The following DCHS1 variants were observed in gnomAD, a reference collection of about 807,000 sequenced individuals.
DCHS1 encodes protocadherin-16.
In DCHS1, 78 loss-of-function variants were observed where a neutral mutation model predicts 213.9. That is an observed-to-expected ratio of 0.36 (90% CI 0.30 to 0.44). The LOEUF is 0.44. Ranked by LOEUF, DCHS1 falls within the 20% of genes least tolerant of loss-of-function variation. The probability of loss-of-function intolerance (pLI) is 1.00; values close to 1 mark genes in which losing one functional copy is unlikely to be tolerated. For synonymous variants in DCHS1, 1,828 were observed against 1,873.7 expected, an observed-to-expected ratio of 0.98 and a Z score of 0.63; for missense variants, 3,946 against 4,395.9, an observed-to-expected ratio of 0.90 and a Z score of 2.89.
chr11:6,623,672 C>T lies in DCHS1; in HGVS notation c.8004G>A (p.Glu2668=), dbSNP rs1316029815. ...CTACAAGCTGATGTCGAGCCTGGGT[C>T]TCACAGTCCAGGGCATGGGCCAGTC... ...TLRLAHALDC[E]TQARHQLVVQ... is the part of the protein sequence containing the mutation. Residue 2668 remains glutamate (E), a synonymous_variant, in exon 21 of 21, where the codon GAG becomes GAA. Transcript: ENST00000299441. The T allele has an allele frequency of 1.2e-6, 2 of 1,613,842 alleles. No homozygotes were observed. Among genetic ancestry groups the T allele is most frequent in the Admixed American group, 3.3e-5 (2 of 60,024 alleles).
intron 12 of DCHS1, among the ~76,000 whole-genome samples, 155 bp downstream of exon 12, chr11:6,629,297 A>C (rs564494249): frequency 1.8e-4 from 27 of 152,342 alleles, no homozygotes; most frequent in African/African-American, 6.5e-4. Context: ...GCACCCTGCC[A>C]AACTCTCGAC....
Position 6,628,618 on chromosome 11 carries a change from C to T in DCHS1, c.5371+3G>A, listed in dbSNP as rs1344991936. ...AATTAAGTGGGAGTGGGAAGGTTCT[C>T]ACCTAGGATGCGGTACTGCAACTGC... On this transcript the variant is annotated splice_donor_region_variant and intron_variant, in intron 13 of 20. Transcript: ENST00000299441. This position sits in a 1 kb window ranked among gnomAD's most constrained non-coding sequence, Gnocchi z 4.3. 6.2e-7 allele frequency: 1 copy of T among 1,613,952 alleles called. No homozygotes were observed. Among genetic ancestry groups the T allele is most frequent in the South Asian group, 1.1e-5 (1 of 91,080 alleles).
Position 6,631,214 on chromosome 11 carries a change from G to A in DCHS1, c.3773-4C>T. ...GAGAAAAGCTCTGAGCCAGGACCTG[G>A]GGACAGGCAGAGGAAGATGAGGGCT... On this transcript the variant is annotated splice_region_variant and splice_polypyrimidine_tract_variant and intron_variant, in intron 8 of 20. Coordinates refer to ENST00000299441, the MANE Select transcript of DCHS1 (RefSeq NM_003737.4). 6.2e-7 allele frequency: 1 copy of A among 1,611,940 alleles called. No homozygotes were observed. The highest frequency in any genetic ancestry group is 8.5e-7 in the Non-Finnish European group (1 of 1,178,218).
At chr11:6,647,113 A>G (rs1856170936) in intron 1 of DCHS1, among the ~76,000 whole-genome samples, 1 of 152,174 alleles carries the variant, frequency 6.6e-6, no homozygotes, top group African/African-American at 2.4e-5. Context: ...TAGATGGGCT[A>G]GAAGTGGAGG....
rs1855902022 is a variant in DCHS1 at position 6,631,202 on chromosome 11, A to C, written c.3781T>G (p.Ser1261Ala). Residue 1261 changes from serine (S) to alanine (A), a missense_variant, in exon 9 of 21, where the codon TCA becomes GCA. Coordinates refer to ENST00000299441, the MANE Select transcript of DCHS1 (RefSeq NM_003737.4). ...TGAGGGTGCAGAGAGAAAAGCTCTG[A>C]GCCAGGACCTGGGGACAGGCAGAGG... ...TILYTLTGPG[S>A]ELFSLHPHSG... The C allele has an allele frequency of 6.2e-7, 1 of 1,611,594 alleles. No individual in the cohort carries two copies. The highest frequency in any genetic ancestry group is 1.7e-5 in the Admixed American group (1 of 59,886).
At position 6,632,987 on chromosome 11, in the gene DCHS1, A is replaced by G. The variant is rs759242345; in HGVS notation, c.2525T>C (p.Val842Ala). ...DPRGLFSLDA[V>A]SGLLQTLRPL... ...GCGAAGTGTTTGCAACAGTCCTGAT[A>G]CCGCATCTAGGGAGAAGAGTCCTCG... The change falls in exon 6 of 21, where the codon GTA (valine) becomes GCA (alanine). Residue 842 changes from valine to alanine, a missense_variant. Coordinates refer to ENST00000299441, the MANE Select transcript of DCHS1 (RefSeq NM_003737.4). This position sits in a 1 kb window ranked among gnomAD's most constrained non-coding sequence, Gnocchi z 5.9. 8 of 1,613,932 alleles carry G rather than the reference A, an allele frequency of 5.0e-6. No individual in the cohort carries two copies. The highest frequency in any genetic ancestry group is 6.8e-6 in the Non-Finnish European group (8 of 1,179,828).
chr11:6,632,605 C>T lies in DCHS1; in HGVS notation c.2907G>A (p.Glu969=), dbSNP rs936429361. 1.3e-6 allele frequency: 2 copies of T among 1,524,584 alleles called. No individual in the cohort carries two copies. Among genetic ancestry groups the T allele is most frequent in the African/African-American group, 1.4e-5 (1 of 72,526 alleles). 94.4% of individuals were successfully genotyped at this position (1,524,584 alleles called of 1,614,324 possible). A position where few individuals can be genotyped will look rare whatever the true frequency, so the allele number is the denominator to read the frequency against. ...SGGPAHELEL[E]ARDGGSPPRT... The stretch of plus-strand genomic sequence containing the variant: ...GTGGTGGGGAGCCCCCATCCCGGGC[C>T]TCCAGCTCCAGCTCATGGGCTGGCC... Residue 969 remains glutamate (E), a synonymous_variant, in exon 6 of 21, where the codon GAG becomes GAA. Coordinates refer to ENST00000299441, the MANE Select transcript of DCHS1 (RefSeq NM_003737.4). This position sits in a 1 kb window ranked among gnomAD's most constrained non-coding sequence, Gnocchi z 5.9.
Position 6,641,974 on chromosome 11 carries a change from CG to C in DCHS1, c.-120-242del. 6.6e-6 allele frequency among the ~76,000 whole-genome samples: 1 copy of C among 152,250 alleles called. No homozygotes were observed. Among genetic ancestry groups the C allele is most frequent in the Non-Finnish European group, 1.5e-5 (1 of 68,004 alleles). ...CAGATTTTTATGCATCCTATTTTTT[CG>C]GGTCTGAATGCCCACAAACTCCCTT... On this transcript the variant is annotated intron_variant, in intron 1 of 20. Transcript: ENST00000299441. This position sits in a 1 kb window ranked among gnomAD's most constrained non-coding sequence, Gnocchi z 7.1.
rs927596271 is a variant in DCHS1 at position 6,633,855 on chromosome 11, C to T, written c.2152G>A (p.Gly718Arg). Residue 718 changes from glycine to arginine, a missense_variant, in exon 4 of 21, where the codon GGG becomes AGG. Physicochemically the swap from Gly to Arg is moderately radical, Grantham distance 125. This residue lies in a region of DCHS1 where 3,384 missense variants were observed against 3,780.1 expected (regional missense o/e 0.90). Transcript: ENST00000299441. ...RAHDPDQGSH[G>R]RLSYHILAGN... ...GCCAGGATATGGTAGGAGAGTCGCC[C>T]ATGGGATCCCTGGTCAGGGTCATGG... 5 of 1,613,874 alleles carry T rather than the reference C, an allele frequency of 3.1e-6. No homozygotes were observed. The highest frequency in any genetic ancestry group is 4.2e-6 in the Non-Finnish European group (5 of 1,179,902).
chr11:6,625,739 G>A lies in DCHS1; in HGVS notation c.6732-12C>T, dbSNP rs539200702. 5.0e-6 allele frequency: 8 copies of A among 1,600,400 alleles called. No individual in the cohort carries two copies. The East Asian group carries it at 6.7e-5, about 13-fold the overall frequency. ...CCATCAGCACCAACCTGGACACAAAGCACAATCATCGGGTGGGACATGGCA... is the reference window on the plus strand; with the variant it reads ...CCATCAGCACCAACCTGGACACAAAACACAATCATCGGGTGGGACATGGCA... On this transcript the variant is annotated splice_polypyrimidine_tract_variant and intron_variant, in intron 17 of 20. Coordinates refer to ENST00000299441, the MANE Select transcript of DCHS1 (RefSeq NM_003737.4). The surrounding 1 kb of genome is among the most constrained non-coding windows in gnomAD (Gnocchi z 5.3).
rs1175384981 is a variant in DCHS1 at position 6,632,748 on chromosome 11, C to A, written c.2764G>T (p.Asp922Tyr). The A allele has an allele frequency of 1.2e-6, 2 of 1,611,666 alleles. No homozygotes were observed. Residue 922 changes from aspartate (D) to tyrosine (Y), a missense_variant, in exon 6 of 21, where the codon GAC (aspartate) becomes TAC (tyrosine). Asp to Tyr is a radical substitution (Grantham distance 160). Around this residue, in one of 3 missense-constraint regions of DCHS1, gnomAD observed 3,384 missense variants for 3,780.1 expected, o/e 0.90. Transcript: ENST00000299441. The surrounding 1 kb of genome is among the most constrained non-coding windows in gnomAD (Gnocchi z 5.9). ...GTGACTCGACTGTTAACACCTGAGT[C>A]GGGGTCAAGAGCCCGCAGTGTATAG... ...PIYTLRALDP[D>Y]SGVNSRVTFT...
At position 6,629,775 on chromosome 11, in the gene DCHS1, G is replaced by A. The variant is rs1188619121; in HGVS notation, c.4932C>T (p.Asp1644=). 6.2e-7 allele frequency: 1 copy of A among 1,613,704 alleles called. No homozygotes were observed. The highest frequency in any genetic ancestry group is 8.5e-7 in the Non-Finnish European group (1 of 1,179,896). The change falls in exon 11 of 21, where the codon GAC becomes GAT. Residue 1644 remains aspartate (D), a synonymous_variant. Coordinates refer to ENST00000299441, the MANE Select transcript of DCHS1 (RefSeq NM_003737.4). ...CCTGCTGCTGGAAAGTAGGCGCCTC[G>A]TCGTTGACGTCAGCGACACTGACGG... ...VLTVSVADVN[D]EAPTFQQQEY...
chr11:6,638,636 C>T (rs959423120), intron 2 of DCHS1, among the ~76,000 whole-genome samples: 2 of 152,164 alleles, frequency 1.3e-5, no homozygotes, highest in African/African-American at 2.4e-5. Flanking sequence ...ACTCATACGC[C>T]ACCTGCTGCA....
chr11:6,630,224 G>A lies in DCHS1; in HGVS notation c.4570C>T (p.Arg1524Cys), dbSNP rs1467295697. The A allele has an allele frequency of 4.5e-6, 7 of 1,558,052 alleles. No individual in the cohort carries two copies. The highest frequency in any genetic ancestry group is 1.2e-5 in the South Asian group (1 of 85,310). Residue 1524 changes from arginine to cysteine, a missense_variant, in exon 10 of 21, where the codon CGC becomes TGC. Arg to Cys is a radical substitution (Grantham distance 180). This residue lies in a region of DCHS1 where 3,384 missense variants were observed against 3,780.1 expected (regional missense o/e 0.90). Coordinates refer to ENST00000299441, the MANE Select transcript of DCHS1 (RefSeq NM_003737.4). The stretch of plus-strand genomic sequence containing the variant: ...GCTGAAACGCGCGCTGCACGACGGC[G>A]GCTGGCGTTGGCGGGCCGGTCGGTG... The part of the protein sequence containing the change: ...EATDRPANAS[R>C]RRAARVSARV...
rs763220760 is a variant in DCHS1 at position 6,626,161 on chromosome 11, C to A, written c.6576+8G>T. On this transcript the variant is annotated splice_region_variant and intron_variant, in intron 16 of 20. Transcript: ENST00000299441. The surrounding 1 kb of genome is among the most constrained non-coding windows in gnomAD (Gnocchi z 5.2). ...TCCCCCGCCCAATCTTTCCATCACA[C>A]CCCGCACCTGCAGCAGGGGCCCCTC... 2 of 1,601,732 alleles carry A rather than the reference C, an allele frequency of 1.2e-6. No homozygotes were observed. Among genetic ancestry groups the A allele is most frequent in the Admixed American group, 1.7e-5 (1 of 58,000 alleles).
In DCHS1 at chr11:6,631,827, C is replaced by A. The variant is rs373525271; in HGVS notation, c.3482-18G>T. 10 of 1,509,204 alleles carry A rather than the reference C, an allele frequency of 6.6e-6. No homozygotes were observed. The highest frequency in any genetic ancestry group is 7.1e-6 in the Non-Finnish European group (8 of 1,128,214). The allele number at this position is 1,509,204 out of a possible 1,614,324, so 93.5% of individuals were successfully genotyped here. A position where few individuals can be genotyped will look rare whatever the true frequency, so the allele number is the denominator to read the frequency against. ...CACTTCTCCTGGGAGTGCAAGAAGGCGATCATGTACGAGATGTTTAAGGAT... is the reference window on the plus strand; with the variant it reads ...CACTTCTCCTGGGAGTGCAAGAAGGAGATCATGTACGAGATGTTTAAGGAT... On this transcript the variant is annotated intron_variant, in intron 6 of 20. Transcript: ENST00000299441.
At chr11:6,638,122 C>T (rs921988101) in intron 2 of DCHS1, among the ~76,000 whole-genome samples, 2 of 152,168 alleles carry the variant, frequency 1.3e-5, no homozygotes, top group African/African-American at 2.4e-5. Context: ...TGGAGCTGCA[C>T]AGCAGCAGGC....
Position 6,641,230 on chromosome 11 carries a change from T to C in DCHS1, c.384A>G (p.Glu128=), listed in dbSNP as rs776874739. 1.2e-6 allele frequency: 2 copies of C among 1,613,740 alleles called. No homozygotes were observed. Among genetic ancestry groups the C allele is most frequent in the South Asian group, 2.2e-5 (2 of 91,088 alleles). The part of the protein sequence containing the change: ...TAVTPDGATV[E]VTVRVADIND... ...TGATGTCAGCCACTCGCACTGTAAC[T>C]TCTACGGTGGCACCATCAGGAGTGA... Residue 128 remains glutamate (E), a synonymous_variant, in exon 2 of 21, where the codon GAA becomes GAG. Coordinates refer to ENST00000299441, the MANE Select transcript of DCHS1 (RefSeq NM_003737.4). This position sits in a 1 kb window ranked among gnomAD's most constrained non-coding sequence, Gnocchi z 7.1.
rs776874843 is a variant in DCHS1 at position 6,640,120 on chromosome 11, C to A, written c.1494G>T (p.Arg498=). 3.2e-5 allele frequency: 51 copies of A among 1,613,598 alleles called. No individual in the cohort carries two copies. The highest frequency in any genetic ancestry group is 4.2e-5 in the Non-Finnish European group (50 of 1,179,726). Residue 498 remains arginine, a synonymous_variant, in exon 2 of 21, where the codon CGG becomes CGT. Transcript: ENST00000299441. The surrounding 1 kb of genome is among the most constrained non-coding windows in gnomAD (Gnocchi z 6.5). ...GACCATTGGTGCCTTGGTCAGGATCCCGAGCAGTCACCCGCACTACAAAGC... is the reference window on the plus strand; with the variant it reads ...GACCATTGGTGCCTTGGTCAGGATCACGAGCAGTCACCCGCACTACAAAGC... ...PGSFVVRVTA[R]DPDQGTNGQV...
Sources: gnomAD v4.1 joint callset for allele counts (sites outside exome capture counted in the v4.1 genomes callset) on GRCh38, gnomAD v4.1.1 for gene constraint, gnomAD v4.1.1 regional missense constraint, Gnocchi (gnomAD v3.1) non-coding constraint, MANE v1.5 for transcripts, NCBI Gene and HGNC (gene_info 2026-07-23, HGNC 2026-07-21) for gene names.